Variants in CCL15 observed in about 807,000 individuals in gnomAD.
CCL15 encodes the protein C-C motif chemokine 15.
Under a neutral mutation model 10.6 loss-of-function variants are expected in CCL15, and 8 were observed. The observed-to-expected ratio is 0.75, with a 90% CI of 0.44 to 1.36. The LOEUF is 1.36. Among genes scored for constraint, CCL15 ranks in the 40% most tolerant of loss-of-function variants. The pLI, the probability that CCL15 is intolerant of heterozygous loss-of-function variation, is 0.00. For missense variants in CCL15, 128 were observed against 136.6 expected (o/e 0.94, Z 0.32); for synonymous variants, 51 against 48.8 (o/e 1.04, Z -0.19).
At chr17:35,997,899 T>C in intron 3 of CCL15, 39 bp from the exon 4 acceptor site, 1 of 1,512,280 alleles carries the variant, frequency 6.6e-7, no homozygotes, top group Non-Finnish European at 9.2e-7. Context: ...AACTGAGGTG[T>C]GGGCAGATGG....
chr17:35,998,504 G>C (rs2089945955), intron 2 of CCL15, 113 bp from the exon 3 acceptor site: 3 of 778,914 alleles, frequency 3.9e-6, no homozygotes, highest in Non-Finnish European at 6.5e-6. Context: ...GCTAGCACTT[G>C]CTGGCCTCTC....
Position 35,997,709 on chromosome 17 carries a change from C to A in CCL15, c.*58G>T. 1 of 1,020,832 alleles carries A rather than the reference C, an allele frequency of 9.8e-7. No homozygotes were observed. The highest frequency in any genetic ancestry group is 1.6e-5 in the African/African-American group (1 of 63,236). 63.2% of individuals were successfully genotyped at this position (1,020,832 alleles called of 1,614,324 possible). ...TATATATTTTTTAAGTATTTCAGAC[C>A]AAGAAACTCACAGGAGGTGTTGGAG... On this transcript the variant is annotated 3_prime_UTR_variant, in exon 4 of 4. Coordinates refer to ENST00000617897, the MANE Select transcript of CCL15 (RefSeq NM_032965.6).
chr17:35,998,604 G>A (rs2089947261), intron 2 of CCL15, among the ~76,000 whole-genome samples: 1 of 152,240 alleles, frequency 6.6e-6, no homozygotes, highest in Non-Finnish European at 1.5e-5. Flanking sequence ...CCCCCAGAAG[G>A]GGAAGGCATC....
At chr17:35,999,248 A>T (rs2089959884) in intron 1 of CCL15, among the ~76,000 whole-genome samples, 1 of 152,180 alleles carries the variant, frequency 6.6e-6, no homozygotes, top group Non-Finnish European at 1.5e-5. Context: ...ACATTTCTGG[A>T]ATAATTTTTT....
chr17:36,001,351 T>G, intron 1 of CCL15, 66 bp downstream of exon 1: 1 of 1,594,076 alleles, frequency 6.3e-7, no homozygotes, highest in Non-Finnish European at 8.6e-7. Flanking sequence ...AGTCACAACA[T>G]GTCTCCGTCC....
At chr17:36,000,316 C>T (rs534112851) in intron 1 of CCL15, among the ~76,000 whole-genome samples, 1 of 151,700 alleles carries the variant, frequency 6.6e-6, no homozygotes, top group African/African-American at 2.4e-5. Context: ...ACACAAAAAT[C>T]AGCTGGGCTT....
At chr17:36,001,280 A>C in intron 1 of CCL15, 137 bp downstream of exon 1, 1 of 1,108,824 alleles carries the variant, frequency 9.0e-7, no homozygotes, top group South Asian at 1.6e-5. Context: ...AGACAGAGCC[A>C]GGTCTATACC....
At chr17:35,998,459 G>T in intron 2 of CCL15, 68 bp from the exon 3 acceptor site, 2 of 1,056,366 alleles carry the variant, frequency 1.9e-6, no homozygotes, top group Non-Finnish European at 2.9e-6. Context: ...AGGGTGAGAA[G>T]GCACAAGCCT....
chr17:35,999,314 C>T (rs763569485), intron 1 of CCL15, among the ~76,000 whole-genome samples: 2 of 152,094 alleles, frequency 1.3e-5, no homozygotes. Flanking sequence ...GGCACAGTAT[C>T]CCCTTAAGTG....
chr17:35,999,214 GAC>G (rs1238578786), intron 1 of CCL15, among the ~76,000 whole-genome samples: 1 of 152,168 alleles, frequency 6.6e-6, no homozygotes, highest in Admixed American at 6.5e-5. Flanking sequence ...TACATGATGT[GAC>G]ACAGTCTACA....
chr17:35,998,510 C>A lies in CCL15; in HGVS notation c.137-119G>T, dbSNP rs189024345. 6.5e-4 allele frequency: 496 copies of A among 762,162 alleles called. 2 individuals carry two copies. The African/African-American group carries it at 7.2e-3, about 11-fold the overall frequency. The allele number at this position is 762,162 out of a possible 1,614,324, so 47.2% of individuals were successfully genotyped here. On this transcript the variant is annotated intron_variant, in intron 2 of 3. Coordinates refer to ENST00000617897, the MANE Select transcript of CCL15 (RefSeq NM_032965.6). ...TCCTCCTCGGCTAGCACTTGCTGGC[C>A]TCTCCCTGCTTCAGACCCTCCCCAG...
chr17:36,001,295 TG>T, intron 1 of CCL15, 121 bp downstream of exon 1: 2 of 1,294,092 alleles, frequency 1.5e-6, no homozygotes, highest in Non-Finnish European at 2.2e-6. Context: ...TATACCCTGC[TG>T]GTGCTTTTTA....
chr17:35,998,310 G>A lies in CCL15; in HGVS notation c.218C>T (p.Thr73Met), dbSNP rs199793364. 1.2e-4 allele frequency: 195 copies of A among 1,613,966 alleles called. No homozygotes were observed. The Admixed American group carries it at 2.2e-3, about 18-fold the overall frequency. ...ACCTGGCTTGGAGCACTCGCTGCTCGTTTCAAAATAACTTTTCATGAGTGA... is the reference window on the plus strand; with the variant it reads ...ACCTGGCTTGGAGCACTCGCTGCTCATTTCAAAATAACTTTTCATGAGTGA... ...PCSLMKSYFE[T>M]SSECSKPGVI... Residue 73 changes from threonine (T) to methionine (M), a missense_variant, in exon 3 of 4, where the codon ACG becomes ATG. By Grantham distance (81) the Thr-to-Met change is moderately conservative. Coordinates refer to ENST00000617897, the MANE Select transcript of CCL15 (RefSeq NM_032965.6).
In CCL15 at chr17:35,997,596, A is replaced by T; in HGVS notation, c.*171T>A. The T allele has an allele frequency of 2.9e-5, 16 of 545,530 alleles. No homozygotes were observed. In the South Asian group the frequency reaches 4.0e-4, roughly 14 times the overall value. 33.8% of individuals were successfully genotyped at this position (545,530 alleles called of 1,614,324 possible). A position where few individuals can be genotyped will look rare whatever the true frequency, so the allele number is the denominator to read the frequency against. ...TCAGCAGTTGCTTCAGTTTTATATT[A>T]GTTTATTTCCTCTTAAAACTCAAGC... On this transcript the variant is annotated 3_prime_UTR_variant, in exon 4 of 4. Transcript: ENST00000617897.
intron 3 of CCL15, 60 bp from the exon 4 acceptor site, chr17:35,997,920 C>A: frequency 1.8e-6 from 2 of 1,122,204 alleles, no homozygotes; most frequent in Non-Finnish European, 2.7e-6. Flanking sequence ...AGACAGGGGG[C>A]CCCATCCTCC....
Position 36,001,453 on chromosome 17 carries a change from C to T in CCL15, c.40G>A (p.Val14Ile), listed in dbSNP as rs780711135. The T allele has an allele frequency of 6.2e-7, 1 of 1,614,126 alleles. No homozygotes were observed. Among genetic ancestry groups the T allele is most frequent in the Non-Finnish European group, 8.5e-7 (1 of 1,180,012 alleles). ...TGGGCCTGGGATCCAAGGACAGCAA[C>T]AAGCATGAGGCAGGAGAGGGCAGCC... ...SVAALSCLML[V>I]AVLGSQAQFT... Residue 14 changes from valine (V) to isoleucine (I), a missense_variant, in exon 1 of 4, where the codon GTT becomes ATT. Transcript: ENST00000617897.
intron 1 of CCL15, 128 bp downstream of exon 1, chr17:36,001,289 C>A (rs1000682867): frequency 3.2e-6 from 4 of 1,250,154 alleles, no homozygotes; most frequent in South Asian, 1.4e-5. Flanking sequence ...CAGGTCTATA[C>A]CCTGCTGGTG....
chr17:35,997,738 G>T lies in CCL15; in HGVS notation c.*29C>A, dbSNP rs749469101. 1 of 1,393,988 alleles carries T rather than the reference G, an allele frequency of 7.2e-7. No individual in the cohort carries two copies. Among genetic ancestry groups the T allele is most frequent in the Non-Finnish European group, 1.0e-6 (1 of 979,612 alleles). 86.4% of individuals were successfully genotyped at this position (1,393,988 alleles called of 1,614,324 possible). Reference sequence around the variant, plus strand: ...AAACTCACAGGAGGTGTTGGAGGTGGGTGGCTGGCCTCTTTTGTCTCTTTA... The same window carrying T: ...AAACTCACAGGAGGTGTTGGAGGTGTGTGGCTGGCCTCTTTTGTCTCTTTA... On this transcript the variant is annotated 3_prime_UTR_variant, in exon 4 of 4. Coordinates refer to ENST00000617897, the MANE Select transcript of CCL15 (RefSeq NM_032965.6).
chr17:35,997,679 C>A lies in CCL15; in HGVS notation c.*88G>T. ...GCATTACTTTCATTACCAGACACAA[C>A]AATATATATATTTTTTAAGTATTTC... On this transcript the variant is annotated 3_prime_UTR_variant, in exon 4 of 4. Coordinates refer to ENST00000617897, the MANE Select transcript of CCL15 (RefSeq NM_032965.6). 1.3e-6 allele frequency: 1 copy of A among 773,842 alleles called. No individual in the cohort carries two copies. Among genetic ancestry groups the A allele is most frequent in the Non-Finnish European group, 2.2e-6 (1 of 450,464 alleles). 47.9% of individuals were successfully genotyped at this position (773,842 alleles called of 1,614,324 possible).
Sources: allele counts gnomAD v4.1 joint callset (sites outside exome capture counted in the v4.1 genomes callset), GRCh38; gene constraint gnomAD v4.1.1; transcripts MANE v1.5; gene names NCBI Gene and HGNC (gene_info 2026-07-23, HGNC 2026-07-21).